Variants in CDH12 observed in about 807,000 individuals in gnomAD.
CDH12 encodes cadherin-12.
Under a neutral mutation model 74.1 loss-of-function variants are expected in CDH12, and 41 were observed. That is an observed-to-expected ratio of 0.55 (90% CI 0.43 to 0.72). The LOEUF (loss-of-function observed/expected upper bound fraction) is 0.72, where lower values mean the gene tolerates loss of function less well. Among genes scored for constraint, CDH12 ranks in the 30% least tolerant of loss-of-function variants. CDH12 has a pLI of 0.00. For synonymous variants in CDH12, 399 were observed against 355.0 expected (o/e 1.12, Z -1.39); for missense variants, 945 against 977.2 (o/e 0.97, Z 0.44).
chr5:22,830,119 A>G (rs1736523022), intron 1 of CDH12, among the ~76,000 whole-genome samples: 1 of 152,194 alleles, frequency 6.6e-6, no homozygotes, highest in Non-Finnish European at 1.5e-5. Flanking sequence ...ATATCATCAA[A>G]AGGATGAATA....
chr5:21,823,329 G>A (rs1387730975), intron 8 of CDH12, among the ~76,000 whole-genome samples: 3 of 152,080 alleles, frequency 2.0e-5, no homozygotes, highest in African/African-American at 7.2e-5. Flanking sequence ...TGACAAAGGT[G>A]ATATGATCAT....
At chr5:21,889,897 C>T (rs959871052) in intron 6 of CDH12, 11 of 970,964 alleles carry the variant, frequency 1.1e-5, no homozygotes, top group African/African-American at 1.8e-5. Context: ...TAAGTTACCC[C>T]ACACTGGCAA....
chr5:21,827,236 C>A (rs924505242), intron 8 of CDH12, among the ~76,000 whole-genome samples: 2 of 152,006 alleles, frequency 1.3e-5, no homozygotes, highest in Non-Finnish European at 2.9e-5. Context: ...TTTGGTTGAT[C>A]CATAAGATCT....
intron 1 of CDH12, among the ~76,000 whole-genome samples, chr5:22,772,679 G>A (rs536825037): frequency 6.6e-6 from 1 of 152,040 alleles, no homozygotes; most frequent in East Asian, 1.9e-4. Context: ...AAGTATATGA[G>A]AGCAAAATTT....
At chr5:21,967,560 GA>G (rs1042240856) in intron 6 of CDH12, among the ~76,000 whole-genome samples, 2 of 151,598 alleles carry the variant, frequency 1.3e-5, no homozygotes, top group African/African-American at 4.8e-5. Context: ...TGGTGGTTTC[GA>G]AAAAAAAGAA....
At chr5:22,799,589 C>A (rs1384434091) in intron 1 of CDH12, among the ~76,000 whole-genome samples, 6 of 152,172 alleles carry the variant, frequency 3.9e-5, no homozygotes, top group African/African-American at 1.4e-4. Flanking sequence ...TTATATGTGA[C>A]ACTTTTTAAA....
chr5:22,796,521 T>A (rs1442620549), intron 1 of CDH12, among the ~76,000 whole-genome samples: 1 of 91,306 alleles, frequency 1.1e-5, no homozygotes, highest in Non-Finnish European at 2.0e-5. Context: ...TATCTTTTTT[T>A]TTTTTTTTTT....
intron 3 of CDH12, among the ~76,000 whole-genome samples, chr5:22,265,345 G>T (rs140287421): frequency 6.6e-6 from 1 of 152,196 alleles, no homozygotes; most frequent in East Asian, 1.9e-4. Flanking sequence ...TCAATATCAG[G>T]AACTCTGGAA....
intron 3 of CDH12, among the ~76,000 whole-genome samples, chr5:22,248,618 TAAAA>T (rs920441200): frequency 2.0e-5 from 3 of 151,998 alleles, no homozygotes; most frequent in Non-Finnish European, 4.4e-5. Flanking sequence ...AAAATGAAAA[TAAAA>T]AGAGAAATGT....
chr5:21,904,079 T>A (rs1018771228), intron 6 of CDH12, among the ~76,000 whole-genome samples: 5 of 152,180 alleles, frequency 3.3e-5, no homozygotes, highest in Non-Finnish European at 7.4e-5. Flanking sequence ...GTCTCTTCTC[T>A]TTCTCTATTA....
At chr5:22,581,676 G>T (rs907348182) in intron 1 of CDH12, among the ~76,000 whole-genome samples, 1 of 152,112 alleles carries the variant, frequency 6.6e-6, no homozygotes, top group Non-Finnish European at 1.5e-5. Context: ...CAGAATAAAA[G>T]ATCCACTGAC....
At chr5:22,401,819 G>A (rs1742741915) in intron 3 of CDH12, among the ~76,000 whole-genome samples, 1 of 152,146 alleles carries the variant, frequency 6.6e-6, no homozygotes. Flanking sequence ...AGAGACAGAA[G>A]ATGGGAAGAC....
chr5:22,482,904 T>C (rs1231372360), intron 2 of CDH12, among the ~76,000 whole-genome samples: 3 of 152,188 alleles, frequency 2.0e-5, no homozygotes, highest in Admixed American at 1.3e-4. Context: ...TTCATCCATA[T>C]GGCCAGTGTG....
intron 4 of CDH12, among the ~76,000 whole-genome samples, chr5:22,119,180 T>C (rs1284918054): frequency 6.6e-6 from 1 of 152,022 alleles, no homozygotes; most frequent in Admixed American, 6.6e-5. Context: ...AAGTCCTCTC[T>C]CTTCTTACTA....
chr5:22,241,612 C>T (rs886137617), intron 3 of CDH12, among the ~76,000 whole-genome samples: 4 of 151,846 alleles, frequency 2.6e-5, no homozygotes, highest in African/African-American at 9.7e-5. Flanking sequence ...GTTTGTTAAG[C>T]TAAAACTAAA....
intron 4 of CDH12, among the ~76,000 whole-genome samples, chr5:22,082,619 G>A (rs113589955): frequency 2.8e-4 from 42 of 152,254 alleles, no homozygotes; most frequent in African/African-American, 8.4e-4. Flanking sequence ...GTTGATCACC[G>A]GTTACTGAAA....
At chr5:21,779,556 T>C (rs888359957) in intron 11 of CDH12, 19 of 152,206 alleles carry the variant, frequency 1.2e-4, no homozygotes, top group African/African-American at 4.6e-4. Context: ...CTAATAAAAT[T>C]ATTTGGACCT....
In CDH12 at chr5:22,125,960, G is replaced by GTT. The variant is rs34864453; in HGVS notation, c.-186-47100_-186-47099dup. On this transcript the variant is annotated intron_variant, in intron 4 of 14. Coordinates refer to ENST00000382254, the MANE Select transcript of CDH12 (RefSeq NM_004061.5). ...ACCTTTTCCTCATTTCACTTTCATTGTTTTTTTTTTTTTAAATCTATTGTG... is the reference window on the plus strand; with the variant it reads ...ACCTTTTCCTCATTTCACTTTCATTGTTTTTTTTTTTTTTTAAATCTATTGTG... Among the ~76,000 whole-genome samples, 817 of 132,552 alleles carry GTT rather than the reference G, an allele frequency of 6.2e-3. 32 individuals carry two copies. In the East Asian group the frequency reaches 0.11, roughly 17 times the overall value. 87.0% of individuals were successfully genotyped at this position (132,552 alleles called of 152,430 possible).
intron 6 of CDH12, 113 bp from the exon 7 acceptor site, chr5:21,854,903 C>A: frequency 1.2e-6 from 1 of 804,164 alleles, no homozygotes; most frequent in South Asian, 1.9e-5. Flanking sequence ...TCAAGTACAC[C>A]ATGAGTACAT....
Sources: gnomAD v4.1 joint callset for allele counts (sites outside exome capture counted in the v4.1 genomes callset) on GRCh38, gnomAD v4.1.1 for gene constraint, MANE v1.5 for transcripts, NCBI Gene and HGNC (gene_info 2026-07-23, HGNC 2026-07-21) for gene names.